MICU1: variants seen among roughly 807,000 people sequenced by gnomAD.
MICU1 encodes calcium uptake protein 1, mitochondrial.
A neutral mutation model predicts 56.8 loss-of-function variants in MICU1; 45 were observed. The observed-to-expected ratio is 0.79, with a 90% CI of 0.62 to 1.02. MICU1 has a LOEUF of 1.02. MICU1 is among the 50% of genes least tolerant of loss of function. The pLI, the probability that MICU1 is intolerant of heterozygous loss-of-function variation, is 0.00. For missense variants in MICU1, 504 were observed against 587.1 expected (o/e 0.86, Z 1.46); for synonymous variants, 186 against 195.1 (o/e 0.95, Z 0.39).
At chr10:72,527,073 T>C (rs1305089153) in intron 5 of MICU1, among the ~76,000 whole-genome samples, 14 of 152,190 alleles carry the variant, frequency 9.2e-5, no homozygotes. Flanking sequence ...ATATCCCATA[T>C]TTTCTTTCTA....
chr10:72,419,783 T>C (rs1439633165), intron 9 of MICU1, among the ~76,000 whole-genome samples: 1 of 152,220 alleles, frequency 6.6e-6, no homozygotes, highest in Admixed American at 6.5e-5. Flanking sequence ...TGGGAACCTC[T>C]GAGGCAGAAG....
At chr10:72,437,758 A>C (rs1368162537) in intron 8 of MICU1, among the ~76,000 whole-genome samples, 1 of 152,208 alleles carries the variant, frequency 6.6e-6, no homozygotes, top group Non-Finnish European at 1.5e-5. Context: ...CTAGTCTCTG[A>C]TAAAACAGAC....
chr10:72,606,807 T>G (rs1489293145), intron 1 of MICU1, among the ~76,000 whole-genome samples: 1 of 152,082 alleles, frequency 6.6e-6, no homozygotes, highest in Admixed American at 6.6e-5. Flanking sequence ...TGGGTGGGAT[T>G]TCAGCCCTGG....
intron 1 of MICU1, among the ~76,000 whole-genome samples, chr10:72,608,394 C>T (rs1370895665): frequency 1.3e-5 from 2 of 152,076 alleles, no homozygotes; most frequent in African/African-American, 4.8e-5. Flanking sequence ...TTTGTCTAAC[C>T]TAAATACCAT....
intron 10 of MICU1, among the ~76,000 whole-genome samples, chr10:72,385,045 A>G (rs1242305043): frequency 6.6e-6 from 1 of 152,124 alleles, no homozygotes; most frequent in African/African-American, 2.4e-5. Flanking sequence ...ACTTTCCGGC[A>G]TCACATAAAA....
At chr10:72,371,386 C>CAAAAA (rs56014491) in intron 11 of MICU1, among the ~76,000 whole-genome samples, 2 of 91,204 alleles carry the variant, frequency 2.2e-5, no homozygotes, top group Admixed American at 1.2e-4. Flanking sequence ...GACTCCGTCT[C>CAAAAA]AAAAAAAAAA....
intron 4 of MICU1, among the ~76,000 whole-genome samples, chr10:72,544,266 G>C (rs1440196358): frequency 1.3e-5 from 2 of 152,294 alleles, no homozygotes; most frequent in Non-Finnish European, 2.9e-5. Context: ...AGGGAGCTCG[G>C]TTTTTGGAGA....
At chr10:72,542,149 T>C (rs1305052286) in intron 4 of MICU1, among the ~76,000 whole-genome samples, 2 of 152,220 alleles carry the variant, frequency 1.3e-5, no homozygotes, top group Non-Finnish European at 2.9e-5. Flanking sequence ...AGTGGTTATC[T>C]CTAATAAGAA....
chr10:72,533,242 G>A (rs1335833075), intron 5 of MICU1: 2 of 773,890 alleles, frequency 2.6e-6, no homozygotes, highest in Admixed American at 6.7e-5. Flanking sequence ...AGAATAATTT[G>A]TTATATTATT....
At chr10:72,585,508 A>G (rs1177665041) in intron 1 of MICU1, among the ~76,000 whole-genome samples, 1 of 152,072 alleles carries the variant, frequency 6.6e-6, no homozygotes, top group Admixed American at 6.6e-5. Flanking sequence ...CAGCCTAGCC[A>G]ACATGGTGAA....
At chr10:72,407,490 C>T (rs1304399672) in intron 10 of MICU1, among the ~76,000 whole-genome samples, 1 of 152,010 alleles carries the variant, frequency 6.6e-6, no homozygotes, top group East Asian at 1.9e-4. Flanking sequence ...GCCAAAGGAG[C>T]GGGGTGTTAT....
intron 8 of MICU1, among the ~76,000 whole-genome samples, chr10:72,433,192 G>A (rs1035212666): frequency 2.6e-5 from 4 of 151,888 alleles, no homozygotes; most frequent in Non-Finnish European, 4.4e-5. Context: ...CTCCTGCCTT[G>A]GCTTCCCAAT....
intron 8 of MICU1, among the ~76,000 whole-genome samples, chr10:72,454,794 AAAAAC>A (rs1169772377): frequency 6.7e-6 from 1 of 149,350 alleles, no homozygotes; most frequent in African/African-American, 2.6e-5. Context: ...AAAAAAAAAA[AAAAAC>A]AAAAAACAAA....
At chr10:72,519,331 C>T (rs963274603) in intron 5 of MICU1, among the ~76,000 whole-genome samples, 1 of 152,176 alleles carries the variant, frequency 6.6e-6, no homozygotes, top group African/African-American at 2.4e-5. Flanking sequence ...ATCACCAACC[C>T]ATTCAAATTA....
chr10:72,580,505 C>G (rs1183591836), intron 1 of MICU1, among the ~76,000 whole-genome samples: 1 of 152,080 alleles, frequency 6.6e-6, no homozygotes, highest in Admixed American at 6.6e-5. Context: ...GAGACAGAGT[C>G]TCACATTGTC....
intron 1 of MICU1, among the ~76,000 whole-genome samples, chr10:72,584,320 G>C (rs528140410): frequency 2.6e-5 from 4 of 151,672 alleles, no homozygotes; most frequent in South Asian, 4.2e-4. Flanking sequence ...TAACTGCACA[G>C]AAAAACAAAA....
At chr10:72,408,317 C>A (rs1393232799) in intron 9 of MICU1, among the ~76,000 whole-genome samples, 2 of 151,290 alleles carry the variant, frequency 1.3e-5, no homozygotes, top group Non-Finnish European at 3.0e-5. Flanking sequence ...AATATTTCTT[C>A]TTTTTTTTTG....
intron 8 of MICU1, among the ~76,000 whole-genome samples, chr10:72,424,531 G>A (rs1802160505): frequency 6.6e-6 from 1 of 151,766 alleles, no homozygotes; most frequent in African/African-American, 2.4e-5. Context: ...TTGCCAGGCT[G>A]GTCTTGAACT....
chr10:72,498,918 G>A (rs1037232940), intron 6 of MICU1, among the ~76,000 whole-genome samples: 3 of 152,106 alleles, frequency 2.0e-5, no homozygotes, highest in Admixed American at 1.3e-4. Flanking sequence ...TTGACTATTT[G>A]TATTAAAAGG....
Sources: allele counts gnomAD v4.1 joint callset (sites outside exome capture counted in the v4.1 genomes callset), GRCh38; gene constraint gnomAD v4.1.1; transcripts MANE v1.5; gene names NCBI Gene and HGNC (gene_info 2026-07-23, HGNC 2026-07-21).